Variants in KIRREL3 observed in about 807,000 individuals in gnomAD.
The protein encoded by KIRREL3 is kin of IRRE-like protein 3.
KIRREL3 carries 36 observed loss-of-function variants against 89.7 expected under a neutral mutation model. The ratio of observed to expected loss-of-function variants is 0.40; its 90% CI spans 0.31 to 0.53. KIRREL3 has a LOEUF of 0.53. Among genes scored for constraint, KIRREL3 ranks in the 20% least tolerant of loss-of-function variants. The pLI, the probability that KIRREL3 is intolerant of heterozygous loss-of-function variation, is 0.49. For missense variants in KIRREL3, 864 were observed against 1,056.6 expected (o/e 0.82, Z 2.53); for synonymous variants, 445 against 441.4 (o/e 1.01, Z -0.10).
rs1036012497 is a variant in KIRREL3, at chr11:126,587,116, G to C, written c.56-24204C>G. ...GTGTGATGGATGCTCCAGTGGAAGA[G>C]TCCAGAGCACCGGGATGATGTGTAG... On this transcript the variant is annotated intron_variant, in intron 1 of 16. Coordinates refer to ENST00000525144, the MANE Select transcript of KIRREL3 (RefSeq NM_032531.4). This position sits in a 1 kb window ranked among gnomAD's most constrained non-coding sequence, Gnocchi z 5.2. 6.6e-6 allele frequency among the ~76,000 whole-genome samples: 1 copy of C among 152,180 alleles called. No homozygotes were observed. The highest frequency in any genetic ancestry group is 1.5e-5 in the Non-Finnish European group (1 of 68,034).
In KIRREL3 at chr11:126,818,381, A is replaced by G. The variant is rs989201639; in HGVS notation, c.55+182074T>C. On this transcript the variant is annotated intron_variant, in intron 1 of 16. Coordinates refer to ENST00000525144, the MANE Select transcript of KIRREL3 (RefSeq NM_032531.4). ...GGCTCAATAGGCTTTCACATAATGC[A>G]GAAGGAACTTGAATCCTGCCTCTGC... Among the ~76,000 whole-genome samples the G allele has an allele frequency of 3.3e-5, 5 of 152,364 alleles. 1 individual carries two copies. The highest frequency in any genetic ancestry group is 9.6e-5 in the African/African-American group (4 of 41,580).
chr11:126,785,815 A>C (rs1461174223), intron 1 of KIRREL3, among the ~76,000 whole-genome samples: 1 of 145,718 alleles, frequency 6.9e-6, no homozygotes, highest in African/African-American at 2.6e-5. Flanking sequence ...TGGAGATTGC[A>C]ATGAGCCGAG....
intron 1 of KIRREL3, among the ~76,000 whole-genome samples, chr11:126,678,505 C>G (rs973929691): frequency 7.1e-6 from 1 of 140,250 alleles, no homozygotes; most frequent in African/African-American, 2.7e-5. Context: ...AAGGCTGAGG[C>G]AGGAGAATGG....
intron 1 of KIRREL3, chr11:126,681,819 T>C (rs1032723888): frequency 1.6e-5 from 7 of 449,780 alleles, no homozygotes; most frequent in African/African-American, 2.0e-5. Context: ...TCAGTATTCC[T>C]GAGGAATCTG....
At chr11:126,446,273 TCTTTTCTTTCTC>T (rs1233146377) in intron 9 of KIRREL3, among the ~76,000 whole-genome samples, 310 of 132,296 alleles carry the variant, frequency 2.3e-3, no homozygotes, top group African/African-American at 3.9e-3. Flanking sequence ...TCTCTCTCTT[TCTTTTCTTTCTC>T]CTTTCTTTCT....
intron 1 of KIRREL3, among the ~76,000 whole-genome samples, chr11:126,638,135 A>G (rs1407975492): frequency 6.6e-6 from 1 of 152,248 alleles, no homozygotes; most frequent in East Asian, 1.9e-4. Context: ...TGGGAAGCTC[A>G]GAAGAGGAAT....
rs1950544514 is a variant in KIRREL3 at position 126,788,429 on chromosome 11, G to A, written c.55+212026C>T. 6.6e-6 allele frequency among the ~76,000 whole-genome samples: 1 copy of A among 152,162 alleles called. No individual in the cohort carries two copies. The highest frequency in any genetic ancestry group is 2.1e-4 in the South Asian group (1 of 4,814). On this transcript the variant is annotated intron_variant, in intron 1 of 16. Transcript: ENST00000525144. The surrounding 1 kb of genome is among the most constrained non-coding windows in gnomAD (Gnocchi z 4.1). Reference sequence around the variant, plus strand: ...GAGACAGGGCTGTGCTTCTTCCCTTGCCTCCTCTGTCCATGTTCTAACAGG... The same window carrying A: ...GAGACAGGGCTGTGCTTCTTCCCTTACCTCCTCTGTCCATGTTCTAACAGG...
rs1255080221 is a variant in KIRREL3 at position 126,796,091 on chromosome 11, A to G, written c.55+204364T>C. Reference sequence around the variant, plus strand: ...CTTTCAATGGGACACGTTTTTATCCATGGGGTCCATGGATCTTATTTTAGT... The same window carrying G: ...CTTTCAATGGGACACGTTTTTATCCGTGGGGTCCATGGATCTTATTTTAGT... On this transcript the variant is annotated intron_variant, in intron 1 of 16. Transcript: ENST00000525144. The surrounding 1 kb of genome is among the most constrained non-coding windows in gnomAD (Gnocchi z 5.1). Among the ~76,000 whole-genome samples, 2 of 151,962 alleles carry G rather than the reference A, an allele frequency of 1.3e-5. No individual in the cohort carries two copies. The highest frequency in any genetic ancestry group is 2.4e-5 in the African/African-American group (1 of 41,352).
At chr11:126,849,829 C>A (rs994323961) in intron 1 of KIRREL3, among the ~76,000 whole-genome samples, 7 of 152,120 alleles carry the variant, frequency 4.6e-5, no homozygotes. Flanking sequence ...GGTGCCTGGA[C>A]GCACGTTCAC....
chr11:126,952,836 G>A (rs1239909737), intron 1 of KIRREL3, among the ~76,000 whole-genome samples: 1 of 152,224 alleles, frequency 6.6e-6, no homozygotes, highest in Non-Finnish European at 1.5e-5. Flanking sequence ...GGAAACAACA[G>A]ATGCTGGAGA....
chr11:126,582,736 T>C (rs909596249), intron 1 of KIRREL3, among the ~76,000 whole-genome samples: 5 of 152,134 alleles, frequency 3.3e-5, no homozygotes, highest in African/African-American at 9.7e-5. Flanking sequence ...TTGACCTTAA[T>C]TGAGTGCTGA....
intron 1 of KIRREL3, among the ~76,000 whole-genome samples, chr11:126,823,170 T>C (rs1943286779): frequency 6.6e-6 from 1 of 152,222 alleles, no homozygotes; most frequent in African/African-American, 2.4e-5. Context: ...CTAACCATTC[T>C]GGATTCTACT....
At position 126,991,772 on chromosome 11, in the gene KIRREL3, C is replaced by A. The variant is rs115356645; in HGVS notation, c.55+8683G>T. 4.7e-3 allele frequency among the ~76,000 whole-genome samples: 722 copies of A among 152,274 alleles called. 10 individuals carry two copies. Among genetic ancestry groups the A allele is most frequent in the African/African-American group, 0.016 (669 of 41,540 alleles). On this transcript the variant is annotated intron_variant, in intron 1 of 16. Transcript: ENST00000525144. The surrounding 1 kb of genome is among the most constrained non-coding windows in gnomAD (Gnocchi z 5.8). Reference sequence around the variant, plus strand: ...TTCCAGTCCTAGACACTGGGGATTGCCACAAATTATAAGACTATGACCTGT... The same window carrying A: ...TTCCAGTCCTAGACACTGGGGATTGACACAAATTATAAGACTATGACCTGT...
At chr11:126,958,605 A>G (rs1367592601) in intron 1 of KIRREL3, among the ~76,000 whole-genome samples, 2 of 152,192 alleles carry the variant, frequency 1.3e-5, no homozygotes, top group Non-Finnish European at 2.9e-5. Flanking sequence ...AGTGGTCTTC[A>G]TTTGTGAATT....
intron 1 of KIRREL3, among the ~76,000 whole-genome samples, chr11:126,626,723 T>C (rs1591835662): frequency 6.6e-6 from 1 of 152,200 alleles, no homozygotes; most frequent in Non-Finnish European, 1.5e-5. Context: ...CTGGGCGCGG[T>C]GGCTCACGCC....
At chr11:126,932,517 C>T (rs1010033010) in intron 1 of KIRREL3, among the ~76,000 whole-genome samples, 3 of 152,128 alleles carry the variant, frequency 2.0e-5, no homozygotes, top group Admixed American at 6.5e-5. Context: ...ACATTAGTAT[C>T]GTTATGAAGG....
chr11:126,555,789 G>A lies in KIRREL3; in HGVS notation c.133+7046C>T, dbSNP rs1565547686. Among the ~76,000 whole-genome samples the A allele has an allele frequency of 6.7e-6, 1 of 149,470 alleles. No homozygotes were observed. The highest frequency in any genetic ancestry group is 1.5e-5 in the Non-Finnish European group (1 of 67,716). ...GGAGTCTCCCTCTATCACTCAGGCTGGAGTGCAGTGGCACGATCTCGGCTC... is the reference window on the plus strand; with the variant it reads ...GGAGTCTCCCTCTATCACTCAGGCTAGAGTGCAGTGGCACGATCTCGGCTC... On this transcript the variant is annotated intron_variant, in intron 2 of 16. Transcript: ENST00000525144. The surrounding 1 kb of genome is among the most constrained non-coding windows in gnomAD (Gnocchi z 4.2).
At chr11:126,925,202 C>A (rs373889536) in intron 1 of KIRREL3, among the ~76,000 whole-genome samples, 2 of 151,914 alleles carry the variant, frequency 1.3e-5, no homozygotes, top group Non-Finnish European at 2.9e-5. Flanking sequence ...ACCATTGCAA[C>A]CCCCTGGTAA....
rs544674358 is a variant in KIRREL3 at position 126,696,946 on chromosome 11, G to T, written c.56-134034C>A. 6.1e-4 allele frequency among the ~76,000 whole-genome samples: 93 copies of T among 152,276 alleles called. No individual in the cohort carries two copies. The highest frequency in any genetic ancestry group is 1.1e-3 in the Non-Finnish European group (73 of 68,032). ...TATTAATGGAGATGACCTAAGAGCT[G>T]CCCTGAGGATTAAGTGGTATAATGC... On this transcript the variant is annotated intron_variant, in intron 1 of 16. Coordinates refer to ENST00000525144, the MANE Select transcript of KIRREL3 (RefSeq NM_032531.4). The surrounding 1 kb of genome is among the most constrained non-coding windows in gnomAD (Gnocchi z 4.4).
Sources: allele counts gnomAD v4.1 joint callset (sites outside exome capture counted in the v4.1 genomes callset), GRCh38; gene constraint gnomAD v4.1.1; non-coding constraint Gnocchi (gnomAD v3.1); transcripts MANE v1.5; gene names NCBI Gene and HGNC (gene_info 2026-07-23, HGNC 2026-07-21).